Variants in CPNE8 observed in about 807,000 individuals in gnomAD.
The protein encoded by CPNE8 is copine-8.
In CPNE8, 45 loss-of-function variants were observed where a neutral mutation model predicts 81.5. The observed-to-expected ratio is 0.55, with a 90% CI of 0.44 to 0.71. The LOEUF (loss-of-function observed/expected upper bound fraction) is 0.71. CPNE8 is among the 30% of genes least tolerant of loss of function. CPNE8 has a pLI of 0.00. For synonymous variants in CPNE8, 252 were observed against 226.3 expected (o/e 1.11, Z -1.02); for missense variants, 594 against 672.1 (o/e 0.88, Z 1.28).
chr12:38,690,213 T>A (rs1442690420), intron 15 of CPNE8, among the ~76,000 whole-genome samples: 1 of 152,204 alleles, frequency 6.6e-6, no homozygotes, highest in Non-Finnish European at 1.5e-5. Context: ...ATCAGGTAGT[T>A]CATGAAAGAC....
intron 3 of CPNE8, among the ~76,000 whole-genome samples, chr12:38,854,314 A>T (rs1437909620): frequency 7.0e-6 from 1 of 142,204 alleles, no homozygotes; most frequent in Non-Finnish European, 1.5e-5. Flanking sequence ...AGAGGAAGAC[A>T]TATAGCTCTG....
At chr12:38,714,978 G>C (rs1940350243) in intron 13 of CPNE8, among the ~76,000 whole-genome samples, 1 of 152,016 alleles carries the variant, frequency 6.6e-6, no homozygotes, top group Non-Finnish European at 1.5e-5. Flanking sequence ...AAACAATTTT[G>C]TTTAGTATTT....
intron 8 of CPNE8, among the ~76,000 whole-genome samples, chr12:38,764,715 T>A (rs908887732): frequency 6.6e-6 from 1 of 151,672 alleles, no homozygotes; most frequent in Non-Finnish European, 1.5e-5. Context: ...AATATATTCA[T>A]TAAGATACAT....
chr12:38,707,731 T>C (rs1940146843), intron 13 of CPNE8, among the ~76,000 whole-genome samples: 1 of 152,218 alleles, frequency 6.6e-6, no homozygotes, highest in Non-Finnish European at 1.5e-5. Flanking sequence ...TCTCTTGCCT[T>C]TATTACTTTG....
At chr12:38,901,945 T>A (rs1276624318) in intron 1 of CPNE8, among the ~76,000 whole-genome samples, 1 of 152,164 alleles carries the variant, frequency 6.6e-6, no homozygotes, top group Non-Finnish European at 1.5e-5. Context: ...TTCAGAGAAC[T>A]TCTTTTGCAT....
chr12:38,714,077 C>T (rs1203283654), intron 13 of CPNE8, among the ~76,000 whole-genome samples: 2 of 152,018 alleles, frequency 1.3e-5, no homozygotes, highest in African/African-American at 4.8e-5. Context: ...ACTTGAGAGA[C>T]ATAGAGGACT....
intron 7 of CPNE8, among the ~76,000 whole-genome samples, chr12:38,770,313 T>C (rs1332700226): frequency 6.6e-6 from 1 of 152,222 alleles, no homozygotes; most frequent in Non-Finnish European, 1.5e-5. Flanking sequence ...TCTATTTTCC[T>C]GATCCTTTAT....
intron 17 of CPNE8, chr12:38,676,315 G>A (rs776528025): frequency 3.1e-4 from 304 of 984,460 alleles, no homozygotes; most frequent in Non-Finnish European, 3.5e-4. Context: ...GACATTCTTC[G>A]GAAATGACCA....
intron 6 of CPNE8, among the ~76,000 whole-genome samples, chr12:38,790,525 C>A (rs1942296614): frequency 1.3e-5 from 2 of 151,534 alleles, no homozygotes; most frequent in Non-Finnish European, 3.0e-5. Flanking sequence ...CGAAATGAGA[C>A]CTAGTATTTG....
chr12:38,693,689 G>T lies in CPNE8; in HGVS notation c.1111C>A (p.Pro371Thr). 2.5e-6 allele frequency: 4 copies of T among 1,611,288 alleles called. No homozygotes were observed. The highest frequency in any genetic ancestry group is 3.4e-6 in the Non-Finnish European group (4 of 1,179,036). Residue 371 changes from proline (P) to threonine (T), a missense_variant, in exon 15 of 20, where the codon CCA becomes ACA. Coordinates refer to ENST00000331366, the MANE Select transcript of CPNE8 (RefSeq NM_153634.3). ...PALGFGAKLP[P>T]DGRISHEFAL... is the part of the protein sequence containing the mutation. ...AATTCGTGAGATATCCTTCCATCTG[G>T]AGGCAGTTTTGCACCAAATCCTAGA...
chr12:38,774,333 T>C (rs1241165008), intron 7 of CPNE8, among the ~76,000 whole-genome samples: 2 of 152,156 alleles, frequency 1.3e-5, no homozygotes, highest in African/African-American at 2.4e-5. Context: ...ATGTATCTTA[T>C]TGACTGTGAA....
chr12:38,675,993 G>T, intron 17 of CPNE8: 1 of 156,396 alleles, frequency 6.4e-6, no homozygotes, highest in Non-Finnish European at 1.4e-5. Flanking sequence ...GTGTGTGCCT[G>T]AAGTCCTAGC....
At chr12:38,676,931 A>T (rs1207817090) in intron 17 of CPNE8, among the ~76,000 whole-genome samples, 1 of 152,188 alleles carries the variant, frequency 6.6e-6, no homozygotes, top group Non-Finnish European at 1.5e-5. Context: ...CTAAACCTAG[A>T]GACTTTACAA....
intron 1 of CPNE8, among the ~76,000 whole-genome samples, chr12:38,902,253 GAAA>G (rs1210479644): frequency 0.046 from 2,511 of 54,680 alleles, 87 homozygotes; most frequent in African/African-American, 0.21. Flanking sequence ...AAGAAAGAAA[GAAA>G]AAAGAAAGAA....
At chr12:38,720,366 G>A (rs57189938) in intron 13 of CPNE8, among the ~76,000 whole-genome samples, 3,718 of 152,196 alleles carry the variant, frequency 0.024, 149 homozygotes, top group African/African-American at 0.082. Flanking sequence ...CAATAAATGT[G>A]ATTTATTGGT....
At chr12:38,802,682 G>C (rs2136963241) in intron 6 of CPNE8, among the ~76,000 whole-genome samples, 1 of 151,698 alleles carries the variant, frequency 6.6e-6, no homozygotes, top group South Asian at 2.1e-4. Context: ...AGGAAATAGA[G>C]ACAAAAAACC....
intron 3 of CPNE8, among the ~76,000 whole-genome samples, chr12:38,857,988 A>C (rs1200962882): frequency 6.6e-6 from 1 of 152,234 alleles, no homozygotes; most frequent in African/African-American, 2.4e-5. Context: ...TACTTTGGAA[A>C]ACATGTAATT....
intron 1 of CPNE8, among the ~76,000 whole-genome samples, chr12:38,902,421 G>GAAAGAAAGAAAGAAAGAA (rs1944503500): frequency 2.2e-4 from 24 of 109,378 alleles, no homozygotes; most frequent in South Asian, 5.2e-4. Context: ...GAAAGAAAAA[G>GAAAGAAAGAAAGAAAGAA]AAAGAAAGAA....
intron 6 of CPNE8, among the ~76,000 whole-genome samples, chr12:38,801,294 C>T (rs1343462418): frequency 3.3e-5 from 1 of 30,242 alleles, no homozygotes; most frequent in Admixed American, 3.6e-4. Context: ...GCCCATCAGA[C>T]TAACAGCGGA....
Sources: gnomAD v4.1 joint callset for allele counts (sites outside exome capture counted in the v4.1 genomes callset) on GRCh38, gnomAD v4.1.1 for gene constraint, MANE v1.5 for transcripts, NCBI Gene and HGNC (gene_info 2026-07-23, HGNC 2026-07-21) for gene names.